DRC8: variants seen among roughly 807,000 people sequenced by gnomAD.
DRC8 encodes dynein regulatory complex protein 8.
the DRC8 span, among the ~76,000 whole-genome samples, chr1:245,057,266 C>T: frequency 5.5e-3 from 837 of 152,162 alleles, 11 homozygotes; most frequent in African/African-American, 0.018. Flanking sequence ...CAGCTTTAGG[C>T]GAAACTTATA....
chr1:244,976,903 G>T, the DRC8 span, among the ~76,000 whole-genome samples: 2 of 152,300 alleles, frequency 1.3e-5, no homozygotes, highest in South Asian at 2.1e-4. Context: ...GTCCATCAGC[G>T]GATGAATGAA....
At chr1:245,028,115 T>A in the DRC8 span, among the ~76,000 whole-genome samples, 8 of 152,102 alleles carry the variant, frequency 5.3e-5, no homozygotes, top group Non-Finnish European at 1.0e-4. Flanking sequence ...GGCTTGAACT[T>A]CCGGGCTCAA....
the DRC8 span, among the ~76,000 whole-genome samples, chr1:244,984,473 T>G: frequency 6.6e-6 from 1 of 151,942 alleles, no homozygotes; most frequent in African/African-American, 2.4e-5. Context: ...GAACCAGGAG[T>G]AGCACATTGA....
At chr1:244,991,779 A>G in the DRC8 span, among the ~76,000 whole-genome samples, 2 of 152,218 alleles carry the variant, frequency 1.3e-5, no homozygotes, top group South Asian at 2.1e-4. Context: ...ATCATAAACA[A>G]ATATTCACAA....
At chr1:245,083,496 C>G in the DRC8 span, 1 of 1,611,732 alleles carries the variant, frequency 6.2e-7, no homozygotes, top group South Asian at 1.1e-5. Context: ...TATGTAAACT[C>G]CAGCTTATAT....
the DRC8 span, among the ~76,000 whole-genome samples, chr1:245,078,551 A>G: frequency 1.3e-5 from 2 of 152,322 alleles, no homozygotes; most frequent in Admixed American, 6.5e-5. Flanking sequence ...CTTGGAGGAC[A>G]TTATGCTAAG....
the DRC8 span, among the ~76,000 whole-genome samples, chr1:245,004,510 G>A: frequency 1.7e-4 from 26 of 151,636 alleles, no homozygotes; most frequent in African/African-American, 5.1e-4. Flanking sequence ...CCTGAGTAGC[G>A]GGGACTATAG....
the DRC8 span, among the ~76,000 whole-genome samples, chr1:245,060,829 C>G: frequency 6.6e-6 from 1 of 152,266 alleles, no homozygotes; most frequent in Admixed American, 6.5e-5. Context: ...GTTTTAATCT[C>G]TATCAGGAGT....
At chr1:245,004,911 T>C in the DRC8 span, among the ~76,000 whole-genome samples, 4 of 152,254 alleles carry the variant, frequency 2.6e-5, no homozygotes, top group Non-Finnish European at 5.9e-5. Context: ...TGGAGCACAG[T>C]GTGACATTTT....
At chr1:245,064,573 A>G in the DRC8 span, among the ~76,000 whole-genome samples, 1 of 152,140 alleles carries the variant, frequency 6.6e-6, no homozygotes, top group Non-Finnish European at 1.5e-5. Flanking sequence ...ATTTTAACAT[A>G]TTATTTGATA....
the DRC8 span, among the ~76,000 whole-genome samples, chr1:245,111,157 G>T: frequency 6.6e-6 from 1 of 152,092 alleles, no homozygotes; most frequent in African/African-American, 2.4e-5. Flanking sequence ...TGGCAATAGG[G>T]GATAATGAGA....
the DRC8 span, among the ~76,000 whole-genome samples, chr1:244,979,766 A>G: frequency 6.6e-6 from 1 of 152,146 alleles, no homozygotes; most frequent in African/African-American, 2.4e-5. Flanking sequence ...AAGGTGTAAT[A>G]GCACAGAGAA....
At chr1:245,034,901 T>A in the DRC8 span, among the ~76,000 whole-genome samples, 4 of 143,106 alleles carry the variant, frequency 2.8e-5, no homozygotes, top group Non-Finnish European at 1.5e-5. Context: ...GAAAGATAAA[T>A]CACTAGCAGT....
the DRC8 span, among the ~76,000 whole-genome samples, chr1:245,030,450 T>G: frequency 5.3e-5 from 8 of 152,198 alleles, no homozygotes; most frequent in Non-Finnish European, 1.0e-4. Flanking sequence ...ACTATGCCAT[T>G]TAATACAAGG....
chr1:245,092,644 G>T, the DRC8 span, among the ~76,000 whole-genome samples: 1 of 152,154 alleles, frequency 6.6e-6, no homozygotes, highest in African/African-American at 2.4e-5. Flanking sequence ...CTGGAGGTAG[G>T]GTCCAGGAAA....
At chr1:245,006,406 T>C in the DRC8 span, among the ~76,000 whole-genome samples, 16,086 of 152,038 alleles carry the variant, frequency 0.11, 951 homozygotes, top group East Asian at 0.24. Context: ...CCACCTCCCA[T>C]GTTCAAGTGA....
At chr1:245,075,248 GCCGGACCC>G in the DRC8 span, among the ~76,000 whole-genome samples, 40 of 152,314 alleles carry the variant, frequency 2.6e-4, no homozygotes, top group African/African-American at 9.4e-4. Context: ...CAAAACACCT[GCCGGACCC>G]TGACGCCCTC....
the DRC8 span, among the ~76,000 whole-genome samples, chr1:245,084,329 A>G: frequency 6.6e-6 from 1 of 152,158 alleles, no homozygotes; most frequent in East Asian, 1.9e-4. Flanking sequence ...TGATCCACCC[A>G]TCTTGGCTTC....
At chr1:245,022,094 G>A in the DRC8 span, among the ~76,000 whole-genome samples, 2 of 150,582 alleles carry the variant, frequency 1.3e-5, no homozygotes, top group African/African-American at 4.9e-5. Context: ...CATTGGGCAG[G>A]TTTTCAATAT....
Sources: allele counts gnomAD v4.1 joint callset (sites outside exome capture counted in the v4.1 genomes callset), GRCh38; gene constraint gnomAD v4.1.1; transcripts MANE v1.5; gene names NCBI Gene and HGNC (gene_info 2026-07-23, HGNC 2026-07-21).